Variants in NEB observed in about 807,000 individuals in gnomAD.
NEB encodes the protein nemaline myopathy type 2.
NEB carries 512 observed loss-of-function variants against 952.2 expected under a neutral mutation model. That is an observed-to-expected ratio of 0.54 (90% CI 0.50 to 0.58). The LOEUF is 0.58. Ranked by LOEUF, NEB falls within the 20% of genes least tolerant of loss-of-function variation. The probability of loss-of-function intolerance (pLI) is 0.00; values close to 1 mark genes in which losing one functional copy is unlikely to be tolerated. For missense variants in NEB, 8,428 were observed against 9,231.1 expected (o/e 0.91, Z 3.56); for synonymous variants, 2,900 against 3,149.8 (o/e 0.92, Z 2.66).
In NEB at chr2:151,639,975, G is replaced by T; in HGVS notation, c.8771C>A (p.Ala2924Glu). 8.1e-6 allele frequency: 13 copies of T among 1,613,906 alleles called. No individual in the cohort carries two copies. Among genetic ancestry groups the T allele is most frequent in the Non-Finnish European group, 1.1e-5 (13 of 1,179,846 alleles). The change falls in exon 62 of 182, where the codon GCA (alanine) becomes GAA (glutamate). Residue 2924 changes from alanine to glutamate, a missense_variant. Physicochemically the swap from Ala to Glu is moderately radical, Grantham distance 107. Transcript: ENST00000397345. ...GSLDVEKCKR[A>E]TEILSDKIYR... is the part of the protein sequence containing the mutation. The stretch of plus-strand genomic sequence containing the variant: ...GATTTTATCACTCAAAATTTCAGTT[G>T]CCCTTTTGCATTTTTCCACATCCAA...
chr2:151,508,929 TA>T (rs1371469371), intron 161 of NEB, among the ~76,000 whole-genome samples: 1 of 152,252 alleles, frequency 6.6e-6, no homozygotes, highest in East Asian at 1.9e-4. Context: ...TTTAGAGCCT[TA>T]TTTTTCTTTC....
chr2:151,559,998 AG>A (rs2095922368), intron 124 of NEB, among the ~76,000 whole-genome samples: 1 of 152,190 alleles, frequency 6.6e-6, no homozygotes, highest in Non-Finnish European at 1.5e-5. Flanking sequence ...TAATGGTTAG[AG>A]GTCATAAGAT....
intron 154 of NEB, among the ~76,000 whole-genome samples, chr2:151,519,421 C>T (rs13391309): frequency 0.64 from 96,869 of 151,988 alleles, 31,224 homozygotes; most frequent in East Asian, 0.77. Context: ...CTCTCTAAAA[C>T]AGGCAAATGC....
rs779909544 is a variant in NEB, at chr2:151,619,711, G to A, written c.10612C>T (p.Arg3538Ter). ...ATCTTGGGGTCATCGTGTACTGCTC[G>A]GGCGCCAATGTGGTGACCCAACTGT... ...RKQLGHHIGARAVHDDPKIMW... is the reference protein window; with the variant it reads ...RKQLGHHIGA Residue 3538 changes from arginine to a stop codon, truncating the protein, a stop_gained, in exon 73 of 182, where the codon CGA becomes TGA. Coordinates refer to ENST00000397345, the MANE Select transcript of NEB (RefSeq NM_001164508.2). LOFTEE classifies it high-confidence loss of function. The A allele has an allele frequency of 4.3e-6, 7 of 1,613,738 alleles. No individual in the cohort carries two copies. Among genetic ancestry groups the A allele is most frequent in the African/African-American group, 2.7e-5 (2 of 75,024 alleles).
Position 151,540,333 on chromosome 2 carries a change from G to A in NEB, c.20892+11C>T. ...CCATCACAACAGAAGAAAAAAGGAA[G>A]GGATGCATACATCACTGGCATTCCA... On this transcript the variant is annotated intron_variant, in intron 138 of 181. Coordinates refer to ENST00000397345, the MANE Select transcript of NEB (RefSeq NM_001164508.2). 3 of 1,519,222 alleles carry A rather than the reference G, an allele frequency of 2.0e-6. No homozygotes were observed. Among genetic ancestry groups the A allele is most frequent in the Non-Finnish European group, 1.8e-6 (2 of 1,114,416 alleles). The allele number at this position is 1,519,222 out of a possible 1,614,324, so 94.1% of individuals were successfully genotyped here. A position where few individuals can be genotyped will look rare whatever the true frequency, so the allele number is the denominator to read the frequency against.
At chr2:151,624,839 C>A (rs2098487963) in intron 71 of NEB, among the ~76,000 whole-genome samples, 1 of 152,156 alleles carries the variant, frequency 6.6e-6, no homozygotes, top group Non-Finnish European at 1.5e-5. Context: ...GCTATTTATG[C>A]AGCAGTATTT....
At chr2:151,581,718 T>A (rs1022611255) in intron 102 of NEB, 131 bp from the exon 103 acceptor site, 19 of 911,774 alleles carry the variant, frequency 2.1e-5, no homozygotes, top group Non-Finnish European at 2.9e-5. Flanking sequence ...AATTTTATAA[T>A]AAATTAAAAC....
At chr2:151,647,666 C>T in intron 54 of NEB, among the ~76,000 whole-genome samples, 1 of 152,090 alleles carries the variant, frequency 6.6e-6, no homozygotes, top group African/African-American at 2.4e-5. Flanking sequence ...CAGGAACCCA[C>T]CAGAAAACCC....
At chr2:151,626,741 G>A (rs1195623473) in intron 70 of NEB, among the ~76,000 whole-genome samples, 1 of 151,942 alleles carries the variant, frequency 6.6e-6, no homozygotes, top group Non-Finnish European at 1.5e-5. Context: ...TTTCACCGTG[G>A]TCTCGATCTC....
chr2:151,486,237 G>A lies in NEB; in HGVS notation c.25405-304C>T, dbSNP rs537319618. On this transcript the variant is annotated intron_variant, in intron 181 of 181. Transcript: ENST00000397345. ...AAAAAGATAGACAAATAGCCAAAAA[G>A]CACACAAAAGGATGCTCAAAATTAG... 1.9e-5 allele frequency: 5 copies of A among 266,646 alleles called. No homozygotes were observed. In the Admixed American group the frequency reaches 2.0e-4, roughly 11 times the overall value. The allele number at this position is 266,646 out of a possible 1,614,324, so 16.5% of individuals were successfully genotyped here.
Position 151,692,333 on chromosome 2 carries a change from T to G in NEB, c.1926A>C (p.Thr642=). 1.9e-6 allele frequency: 3 copies of G among 1,612,362 alleles called. No individual in the cohort carries two copies. The highest frequency in any genetic ancestry group is 2.5e-6 in the Non-Finnish European group (3 of 1,178,866). Residue 642 remains threonine (T), a synonymous_variant, in exon 21 of 182, where the codon ACA becomes ACC. Transcript: ENST00000397345. ...CACAGTAATTCATACTCTTTGCCTT[T>G]GTCTTCTCATAGTTTTCCTTGTATA... ...DRLYKENYEK[T]KAKSMNYCET...
intron 13 of NEB, 104 bp downstream of exon 13, chr2:151,706,777 T>C: frequency 1.2e-6 from 1 of 811,182 alleles, no homozygotes; most frequent in South Asian, 1.6e-5. Context: ...CTCCATAACC[T>C]TAATGTATTT....
chr2:151,619,327 A>G, intron 73 of NEB, 124 bp downstream of exon 73: 1 of 1,111,262 alleles, frequency 9.0e-7, no homozygotes, highest in East Asian at 2.4e-5. Context: ...AACTCCTTTC[A>G]GACATTTAAT....
At chr2:151,609,340 G>A (rs917982244) in intron 81 of NEB, among the ~76,000 whole-genome samples, 1 of 151,918 alleles carries the variant, frequency 6.6e-6, no homozygotes, top group East Asian at 1.9e-4. Flanking sequence ...CATGATTGAG[G>A]GTTTTTAATA....
chr2:151,665,303 C>A, intron 42 of NEB, 30 bp downstream of exon 42: 1 of 1,605,334 alleles, frequency 6.2e-7, no homozygotes, highest in East Asian at 2.2e-5. Flanking sequence ...ATGAGGGTTC[C>A]CTGGGCGAGG....
chr2:151,523,141 C>T (rs1245974897), intron 153 of NEB, among the ~76,000 whole-genome samples: 1 of 151,904 alleles, frequency 6.6e-6, no homozygotes, highest in Non-Finnish European at 1.5e-5. Flanking sequence ...TTAATAAGTT[C>T]TTGTTACATC....
At chr2:151,636,658 G>C (rs1014773653) in intron 63 of NEB, among the ~76,000 whole-genome samples, 5 of 152,168 alleles carry the variant, frequency 3.3e-5, no homozygotes, top group Non-Finnish European at 5.9e-5. Flanking sequence ...GTGCATGCCT[G>C]CAATCCCAGT....
chr2:151,695,722 T>A, intron 17 of NEB, 40 bp from the exon 18 acceptor site: 2 of 1,444,214 alleles, frequency 1.4e-6, no homozygotes, highest in Non-Finnish European at 1.9e-6. Flanking sequence ...GAAGAATTGT[T>A]CCAGAATACA....
chr2:151,656,349 C>T lies in NEB; in HGVS notation c.6299G>A (p.Arg2100Gln), dbSNP rs752836728. 30 of 1,613,426 alleles carry T rather than the reference C, an allele frequency of 1.9e-5. No individual in the cohort carries two copies. Among genetic ancestry groups the T allele is most frequent in the East Asian group, 8.9e-5 (4 of 44,872 alleles). Residue 2100 changes from arginine (R) to glutamine (Q), a missense_variant, in exon 49 of 182, where the codon CGG (arginine) becomes CAG (glutamine). Coordinates refer to ENST00000397345, the MANE Select transcript of NEB (RefSeq NM_001164508.2). ...SMQVAKMQSD[R>Q]EYKKNYENTK... ...GTTCTCATAGTTTTTCTTGTACTCC[C>T]GATCAGATTGCATCTTAGCCACTTG...
Sources: allele counts gnomAD v4.1 joint callset (sites outside exome capture counted in the v4.1 genomes callset), GRCh38; gene constraint gnomAD v4.1.1; transcripts MANE v1.5; gene names NCBI Gene and HGNC (gene_info 2026-07-23, HGNC 2026-07-21).